Variants in SNTG1 observed in about 807,000 individuals in gnomAD.
SNTG1 encodes the protein syntrophin gamma 1.
In SNTG1, 39 loss-of-function variants were observed where a neutral mutation model predicts 74.7. The ratio of observed to expected loss-of-function variants is 0.52; its 90% CI spans 0.40 to 0.68. The LOEUF (loss-of-function observed/expected upper bound fraction) is 0.68. Ranked by LOEUF, SNTG1 falls within the 30% of genes least tolerant of loss-of-function variation. The pLI is 0.00. For missense variants in SNTG1, 685 were observed against 609.5 expected (o/e 1.12, Z -1.30); for synonymous variants, 254 against 217.1 (o/e 1.17, Z -1.49).
At chr8:50,080,708 C>A (rs564420862) in intron 1 of SNTG1, among the ~76,000 whole-genome samples, 1 of 152,190 alleles carries the variant, frequency 6.6e-6, no homozygotes, top group South Asian at 2.1e-4. Flanking sequence ...ATGATCTTTG[C>A]TGCAACTGAT....
At chr8:50,395,510 T>TG (rs2092716778) in intron 3 of SNTG1, among the ~76,000 whole-genome samples, 1 of 149,370 alleles carries the variant, frequency 6.7e-6, no homozygotes, top group African/African-American at 2.5e-5. Flanking sequence ...ATTTCTGTTT[T>TG]TTTTTTTTTT....
intron 9 of SNTG1, among the ~76,000 whole-genome samples, chr8:50,511,949 C>A (rs2094081072): frequency 1.3e-5 from 2 of 152,040 alleles, no homozygotes; most frequent in African/African-American, 4.8e-5. Context: ...TGGATTTCAT[C>A]CTGTCATTAT....
intron 13 of SNTG1, among the ~76,000 whole-genome samples, chr8:50,630,515 T>C (rs1418073562): frequency 6.6e-6 from 1 of 152,180 alleles, no homozygotes; most frequent in Non-Finnish European, 1.5e-5. Flanking sequence ...AATTGCTTCA[T>C]CTATAAGATG....
At chr8:50,393,962 G>A (rs1259758995) in intron 2 of SNTG1, among the ~76,000 whole-genome samples, 1 of 152,174 alleles carries the variant, frequency 6.6e-6, no homozygotes, top group Non-Finnish European at 1.5e-5. Flanking sequence ...GTGGAAAGGT[G>A]CCTGGAAATG....
intron 12 of SNTG1, among the ~76,000 whole-genome samples, chr8:50,580,305 A>G (rs2094602090): frequency 6.6e-6 from 1 of 152,128 alleles, no homozygotes; most frequent in Non-Finnish European, 1.5e-5. Flanking sequence ...TTTTGATTTC[A>G]CAGGGTTATA....
At chr8:50,710,667 T>A (rs1205089051) in intron 17 of SNTG1, among the ~76,000 whole-genome samples, 3 of 152,238 alleles carry the variant, frequency 2.0e-5, no homozygotes, top group Non-Finnish European at 4.4e-5. Flanking sequence ...TATGTCAGTG[T>A]CCTGTTGGCT....
intron 2 of SNTG1, among the ~76,000 whole-genome samples, chr8:50,329,247 G>T (rs1174927273): frequency 1.3e-5 from 2 of 152,090 alleles, no homozygotes; most frequent in Admixed American, 6.5e-5. Context: ...GTCATTCTGG[G>T]GTATGGAGGA....
rs544068041 is a variant in SNTG1, at chr8:50,780,249, T to C, written c.1396-12422T>C. On this transcript the variant is annotated intron_variant, in intron 18 of 18. Transcript: ENST00000642720. ...AGTTAGGGAGGATTCCCTCTTTTTCTATTGGTTGGAATAGTTTCAGAAGGA... is the reference window on the plus strand; with the variant it reads ...AGTTAGGGAGGATTCCCTCTTTTTCCATTGGTTGGAATAGTTTCAGAAGGA... Among the ~76,000 whole-genome samples, 9 of 152,326 alleles carry C rather than the reference T, an allele frequency of 5.9e-5. No homozygotes were observed. The East Asian group carries it at 1.7e-3, about 29-fold the overall frequency.
intron 1 of SNTG1, among the ~76,000 whole-genome samples, chr8:50,067,558 A>G (rs978219317): frequency 3.3e-5 from 5 of 152,144 alleles, no homozygotes; most frequent in African/African-American, 1.2e-4. Flanking sequence ...AACCTTTTTT[A>G]GTCTTCCCTT....
chr8:50,715,488 A>T (rs2095472855), intron 17 of SNTG1, among the ~76,000 whole-genome samples: 1 of 152,180 alleles, frequency 6.6e-6, no homozygotes, highest in Non-Finnish European at 1.5e-5. Flanking sequence ...TGTTAAAAAC[A>T]TTTTTTGGAA....
intron 2 of SNTG1, among the ~76,000 whole-genome samples, chr8:50,191,650 G>C (rs767012543): frequency 3.9e-5 from 6 of 152,078 alleles, no homozygotes; most frequent in African/African-American, 1.4e-4. Flanking sequence ...ATGCTGGTTT[G>C]CTGAACCTGT....
At chr8:50,184,327 G>C in intron 2 of SNTG1, among the ~76,000 whole-genome samples, 1 of 151,896 alleles carries the variant, frequency 6.6e-6, no homozygotes, top group East Asian at 1.9e-4. Context: ...CACCACACCT[G>C]GCTAGTTTTT....
At chr8:50,590,400 T>G (rs1262243670) in intron 12 of SNTG1, among the ~76,000 whole-genome samples, 3 of 152,116 alleles carry the variant, frequency 2.0e-5, no homozygotes, top group Non-Finnish European at 2.9e-5. Context: ...TTGATTAAAT[T>G]TTCTTAAAGT....
chr8:50,315,424 G>C (rs538102619), intron 2 of SNTG1, among the ~76,000 whole-genome samples: 1 of 149,858 alleles, frequency 6.7e-6, no homozygotes, highest in African/African-American at 2.5e-5. Context: ...ATTATATAGT[G>C]TATAGTAAAA....
chr8:50,533,989 G>A (rs2094289594), intron 10 of SNTG1, among the ~76,000 whole-genome samples: 1 of 151,996 alleles, frequency 6.6e-6, no homozygotes, highest in African/African-American at 2.4e-5. Flanking sequence ...ATTTATTGAA[G>A]AAACACAAAA....
chr8:50,044,430 C>A (rs1027782797), intron 1 of SNTG1, among the ~76,000 whole-genome samples: 3 of 152,164 alleles, frequency 2.0e-5, no homozygotes, highest in Admixed American at 6.5e-5. Context: ...TTCAAAAGCA[C>A]ATTAAAATAA....
chr8:49,919,247 C>G (rs576759037), intron 1 of SNTG1, among the ~76,000 whole-genome samples: 2 of 152,136 alleles, frequency 1.3e-5, no homozygotes, highest in Admixed American at 6.6e-5. Context: ...TGGGATTGAC[C>G]AAGGGAATAT....
chr8:50,124,189 C>T (rs1261011092), intron 1 of SNTG1, among the ~76,000 whole-genome samples: 1 of 141,506 alleles, frequency 7.1e-6, no homozygotes, highest in African/African-American at 2.6e-5. Context: ...AGGACAGAGA[C>T]AGATTCACAG....
At chr8:50,717,370 A>C (rs2095477580) in intron 17 of SNTG1, among the ~76,000 whole-genome samples, 1 of 152,224 alleles carries the variant, frequency 6.6e-6, no homozygotes, top group Admixed American at 6.5e-5. Context: ...TTTCCATAAA[A>C]GTTTTGTAAC....
Sources: allele counts gnomAD v4.1 joint callset (sites outside exome capture counted in the v4.1 genomes callset), GRCh38; gene constraint gnomAD v4.1.1; transcripts MANE v1.5; gene names NCBI Gene and HGNC (gene_info 2026-07-23, HGNC 2026-07-21).